JAK2: variants seen among roughly 807,000 people sequenced by gnomAD.
JAK2 encodes Janus kinase 2, also known as tyrosine-protein kinase JAK2.
JAK2 carries 86 observed loss-of-function variants against 139.3 expected under a neutral mutation model. The observed-to-expected ratio is 0.62, with a 90% confidence interval of 0.52 to 0.74. The LOEUF is 0.74. Among genes scored for constraint, JAK2 ranks in the 30% least tolerant of loss-of-function variants. The pLI, the probability that JAK2 is intolerant of heterozygous loss-of-function variation, is 0.00. For missense variants in JAK2, 1,421 were observed against 1,360.3 expected, an observed-to-expected ratio of 1.04 and a Z score of -0.70; for synonymous variants, 490 against 437.7, an observed-to-expected ratio of 1.12 and a Z score of -1.49.
rs1366926965 is a variant in JAK2, at chr9:5,042,178, C to G, written c.351-2225C>G. ...CGGAGTCTCGCTTTGTCGCCCAGGC[C>G]GGACTGCGGACTGCAGTGGCGCAAT... On this transcript the variant is annotated intron_variant, in intron 4 of 24. Coordinates refer to ENST00000381652, the MANE Select transcript of JAK2 (RefSeq NM_004972.4). Among the ~76,000 whole-genome samples, 68 of 147,108 alleles carry G rather than the reference C, an allele frequency of 4.6e-4. 1 individual carries two copies. Among genetic ancestry groups the G allele is most frequent in the African/African-American group, 1.7e-3 (66 of 39,026 alleles).
intron 18 of JAK2, among the ~76,000 whole-genome samples, chr9:5,080,997 G>A (rs1261501613): frequency 6.9e-6 from 1 of 144,032 alleles, no homozygotes; most frequent in Non-Finnish European, 1.5e-5. Flanking sequence ...CAAGGTTCAC[G>A]CCATTCTCCT....
chr9:5,020,285 T>A (rs1182128912), intron 2 of JAK2, among the ~76,000 whole-genome samples: 5 of 152,042 alleles, frequency 3.3e-5, no homozygotes, highest in Non-Finnish European at 7.4e-5. Flanking sequence ...GACCCCCAGG[T>A]GGAATGCTCA....
At chr9:5,112,300 C>T in intron 22 of JAK2, 1 of 267,700 alleles carries the variant, frequency 3.7e-6, no homozygotes, top group Admixed American at 5.0e-5. Context: ...TCCATGTTGC[C>T]CTCTCCAGCT....
intron 4 of JAK2, among the ~76,000 whole-genome samples, chr9:5,035,312 G>A (rs1445977271): frequency 6.6e-6 from 1 of 152,186 alleles, no homozygotes; most frequent in Non-Finnish European, 1.5e-5. Context: ...GTGCAAAGAG[G>A]AGCTGGTACC....
At chr9:5,080,139 C>G in intron 16 of JAK2, 90 bp from the exon 17 acceptor site, 2 of 1,026,708 alleles carry the variant, frequency 1.9e-6, no homozygotes, top group Non-Finnish European at 2.8e-6. Context: ...CCTGATTATT[C>G]AAATGATTTG....
At chr9:5,021,482 A>T (rs530192689) in intron 2 of JAK2, among the ~76,000 whole-genome samples, 8 of 152,208 alleles carry the variant, frequency 5.3e-5, no homozygotes, top group Non-Finnish European at 1.2e-4. Flanking sequence ...TTTAAAATGT[A>T]TGATTTCTTG....
At chr9:5,104,203 T>A (rs771045777) in intron 22 of JAK2, among the ~76,000 whole-genome samples, 1 of 151,756 alleles carries the variant, frequency 6.6e-6, no homozygotes, top group Non-Finnish European at 1.5e-5. Flanking sequence ...AAGAATCAAA[T>A]AGAGGGAATA....
chr9:5,090,414 G>A, intron 20 of JAK2, 32 bp from the exon 21 acceptor site: 2 of 1,467,558 alleles, frequency 1.4e-6, no homozygotes, highest in Admixed American at 2.2e-5. Flanking sequence ...ATATGGCAGA[G>A]TAAAACATTA....
At chr9:5,023,641 C>G (rs1362154826) in intron 3 of JAK2, among the ~76,000 whole-genome samples, 2 of 152,204 alleles carry the variant, frequency 1.3e-5, no homozygotes, top group African/African-American at 4.8e-5. Context: ...CTCCTAGCTT[C>G]TTGCCAATCC....
chr9:5,058,105 C>T (rs567591947), intron 8 of JAK2, among the ~76,000 whole-genome samples: 7 of 152,236 alleles, frequency 4.6e-5, no homozygotes, highest in Admixed American at 3.3e-4. Flanking sequence ...ATATTCAGGT[C>T]ACTTTTTTAC....
intron 2 of JAK2, among the ~76,000 whole-genome samples, chr9:5,005,468 A>G (rs1472912210): frequency 1.3e-5 from 2 of 152,082 alleles, no homozygotes; most frequent in African/African-American, 4.8e-5. Context: ...AATCTGGTAT[A>G]ATGATTGATT....
At chr9:5,027,392 T>C (rs1016042505) in intron 3 of JAK2, among the ~76,000 whole-genome samples, 1 of 152,224 alleles carries the variant, frequency 6.6e-6, no homozygotes, top group Non-Finnish European at 1.5e-5. Context: ...TTAAAAATAC[T>C]TTATTGTCAA....
At chr9:5,087,582 AAT>A (rs1224817186) in intron 19 of JAK2, among the ~76,000 whole-genome samples, 1 of 152,192 alleles carries the variant, frequency 6.6e-6, no homozygotes, top group Non-Finnish European at 1.5e-5. Context: ...CCATAAGAAA[AAT>A]AGAGGCATTC....
At chr9:5,081,894 A>G in intron 19 of JAK2, 33 bp downstream of exon 19, 1 of 1,556,822 alleles carries the variant, frequency 6.4e-7, no homozygotes, top group South Asian at 1.1e-5. Flanking sequence ...AATAGAGTAT[A>G]ATCATTTCAT....
intron 12 of JAK2, 64 bp downstream of exon 12, chr9:5,070,116 T>C: frequency 4.3e-6 from 5 of 1,155,702 alleles, no homozygotes; most frequent in Non-Finnish European, 6.2e-6. Flanking sequence ...GTTTTCTTGA[T>C]TTACATTCAT....
intron 4 of JAK2, among the ~76,000 whole-genome samples, chr9:5,040,687 A>G (rs939717159): frequency 1.3e-5 from 2 of 152,266 alleles, no homozygotes; most frequent in Non-Finnish European, 2.9e-5. Context: ...AAGATATACA[A>G]ATGGCCAAAA....
At chr9:5,110,250 T>C (rs1822341393) in intron 22 of JAK2, 2 of 152,212 alleles carry the variant, frequency 1.3e-5, no homozygotes, top group African/African-American at 4.8e-5. Context: ...GCTCATCCGC[T>C]TCTACCCTTT....
intron 2 of JAK2, among the ~76,000 whole-genome samples, chr9:5,014,164 C>CT (rs200845162): frequency 0.018 from 2,080 of 117,520 alleles, 59 homozygotes; most frequent in African/African-American, 0.05. Flanking sequence ...TTTACTCTTT[C>CT]TTTTTTTTTT....
intron 2 of JAK2, among the ~76,000 whole-genome samples, chr9:5,013,764 G>A (rs947108703): frequency 6.6e-6 from 1 of 151,912 alleles, no homozygotes; most frequent in Non-Finnish European, 1.5e-5. Flanking sequence ...TTGTCATTTT[G>A]TAGCACTTAA....
Sources: gnomAD v4.1 joint callset for allele counts (sites outside exome capture counted in the v4.1 genomes callset) on GRCh38, gnomAD v4.1.1 for gene constraint, MANE v1.5 for transcripts, NCBI Gene and HGNC (gene_info 2026-07-23, HGNC 2026-07-21) for gene names.